The following USH2A variants were observed in gnomAD, a reference collection of about 807,000 sequenced individuals.
USH2A encodes Usher syndrome 2A (autosomal recessive, mild).
Under a neutral mutation model 538.9 loss-of-function variants are expected in USH2A, and 443 were observed. The ratio of observed to expected loss-of-function variants is 0.82; its 90% CI spans 0.76 to 0.89. The LOEUF is 0.89. Among genes scored for constraint, USH2A ranks in the 40% least tolerant of loss-of-function variants. USH2A has a pLI of 0.00. For synonymous variants in USH2A, 2,413 were observed against 2,273.5 expected (o/e 1.06, Z -1.75); for missense variants, 6,633 against 6,324.8 (o/e 1.05, Z -1.65).
intron 60 of USH2A, among the ~76,000 whole-genome samples, chr1:215,741,135 A>C (rs1571638885): frequency 6.6e-6 from 1 of 152,126 alleles, no homozygotes. Flanking sequence ...TCAATCAAAA[A>C]TGTTATATGG....
intron 21 of USH2A, among the ~76,000 whole-genome samples, chr1:216,141,748 A>C (rs1465716764): frequency 6.6e-6 from 1 of 152,162 alleles, no homozygotes; most frequent in African/African-American, 2.4e-5. Flanking sequence ...ATCATTACAT[A>C]AAGGAGTATA....
At chr1:215,658,918 A>G (rs1657352967) in intron 64 of USH2A, among the ~76,000 whole-genome samples, 1 of 152,220 alleles carries the variant, frequency 6.6e-6, no homozygotes, top group African/African-American at 2.4e-5. Context: ...GATCACAATC[A>G]CCAATTGTGA....
At chr1:215,931,351 G>C (rs1196060112) in intron 38 of USH2A, among the ~76,000 whole-genome samples, 1 of 151,896 alleles carries the variant, frequency 6.6e-6, no homozygotes, top group Non-Finnish European at 1.5e-5. Flanking sequence ...AAATTCTTTG[G>C]AGTATGACCC....
chr1:215,782,532 A>AT (rs1447728393), intron 53 of USH2A, among the ~76,000 whole-genome samples: 10 of 152,178 alleles, frequency 6.6e-5, no homozygotes, highest in Admixed American at 1.3e-4. Flanking sequence ...TTTCATTTCT[A>AT]TTTTTTTACT....
intron 40 of USH2A, among the ~76,000 whole-genome samples, chr1:215,893,422 T>C: frequency 6.6e-6 from 1 of 151,986 alleles, no homozygotes; most frequent in East Asian, 1.9e-4. Flanking sequence ...TCTCACATAG[T>C]CCACTGAGAG....
chr1:216,026,836 A>G (rs1668978970), intron 32 of USH2A, among the ~76,000 whole-genome samples: 1 of 152,194 alleles, frequency 6.6e-6, no homozygotes, highest in Non-Finnish European at 1.5e-5. Flanking sequence ...ATATGTCTAC[A>G]AGCACCAGGT....
At chr1:216,167,153 T>G (rs1487399472) in intron 21 of USH2A, among the ~76,000 whole-genome samples, 1 of 152,064 alleles carries the variant, frequency 6.6e-6, no homozygotes, top group Non-Finnish European at 1.5e-5. Context: ...TATTATTACT[T>G]AACATTTCCC....
chr1:215,851,870 A>C (rs950522715), intron 44 of USH2A, among the ~76,000 whole-genome samples: 1 of 152,106 alleles, frequency 6.6e-6, no homozygotes, highest in African/African-American at 2.4e-5. Flanking sequence ...CCAGGGATGC[A>C]GGGATGGTTT....
intron 21 of USH2A, among the ~76,000 whole-genome samples, chr1:216,115,901 G>A (rs1255404221): frequency 6.6e-6 from 1 of 151,610 alleles, no homozygotes; most frequent in Non-Finnish European, 1.5e-5. Context: ...AGAAAATTCA[G>A]CATGCATTTT....
intron 50 of USH2A, among the ~76,000 whole-genome samples, chr1:215,794,417 G>T (rs1188597957): frequency 6.6e-6 from 1 of 152,164 alleles, no homozygotes; most frequent in Admixed American, 6.5e-5. Flanking sequence ...GCTTAGGAAC[G>T]ATATTATGAG....
chr1:216,176,392 C>T (rs2034382751), intron 20 of USH2A, among the ~76,000 whole-genome samples: 1 of 151,958 alleles, frequency 6.6e-6, no homozygotes. Context: ...GGTGCCACTA[C>T]GCCCAGTAGA....
chr1:215,654,626 T>C (rs919031882), intron 64 of USH2A, among the ~76,000 whole-genome samples: 6 of 152,184 alleles, frequency 3.9e-5, no homozygotes, highest in South Asian at 2.1e-4. Flanking sequence ...GTTGTAACCA[T>C]GAAGAAAGTT....
intron 61 of USH2A, among the ~76,000 whole-genome samples, chr1:215,721,924 G>T (rs1332353244): frequency 6.6e-6 from 1 of 152,008 alleles, no homozygotes; most frequent in Non-Finnish European, 1.5e-5. Context: ...AATTAGCTGG[G>T]CATGGTGGCA....
intron 37 of USH2A, among the ~76,000 whole-genome samples, chr1:215,951,304 G>A (rs182159473): frequency 3.3e-5 from 5 of 152,200 alleles, no homozygotes; most frequent in East Asian, 1.9e-4. Flanking sequence ...CCTTCATTTC[G>A]TTATGTACCC....
intron 3 of USH2A, among the ~76,000 whole-genome samples, chr1:216,369,241 T>C (rs1315196138): frequency 6.6e-6 from 1 of 152,166 alleles, no homozygotes; most frequent in Non-Finnish European, 1.5e-5. Flanking sequence ...TAAGGCAATG[T>C]ATCCTGAAAA....
chr1:215,756,289 T>A (rs1442243743), intron 58 of USH2A, among the ~76,000 whole-genome samples: 1 of 152,180 alleles, frequency 6.6e-6, no homozygotes, highest in Admixed American at 6.5e-5. Flanking sequence ...TCATTTCTCT[T>A]ACTTGCATAG....
intron 61 of USH2A, among the ~76,000 whole-genome samples, chr1:215,686,043 G>A (rs1658414485): frequency 6.6e-6 from 1 of 152,138 alleles, no homozygotes; most frequent in Non-Finnish European, 1.5e-5. Flanking sequence ...CACCAAGTGG[G>A]ATGACACAGC....
rs181958916 is a variant in USH2A at position 215,752,426 on chromosome 1, G to A, written c.11389+6169C>T. 9.0e-4 allele frequency among the ~76,000 whole-genome samples: 137 copies of A among 152,252 alleles called. 1 individual carries two copies. The highest frequency in any genetic ancestry group is 4.1e-3 in the Admixed American group (63 of 15,288). On this transcript the variant is annotated intron_variant, in intron 58 of 71. Coordinates refer to ENST00000307340, the MANE Select transcript of USH2A (RefSeq NM_206933.4). Reference sequence around the variant, plus strand: ...GAAAGAATAAGGTAAAGTGGATGAAGGTTTACATGGGAGACAGGGGAATAT... The same window carrying A: ...GAAAGAATAAGGTAAAGTGGATGAAAGTTTACATGGGAGACAGGGGAATAT...
At chr1:216,299,961 A>G (rs1222492123) in intron 9 of USH2A, among the ~76,000 whole-genome samples, 2 of 152,170 alleles carry the variant, frequency 1.3e-5, no homozygotes, top group East Asian at 3.9e-4. Context: ...CCTAAAGATG[A>G]TACTGTTCTA....
Sources: allele counts gnomAD v4.1 joint callset (sites outside exome capture counted in the v4.1 genomes callset), GRCh38; gene constraint gnomAD v4.1.1; transcripts MANE v1.5; gene names NCBI Gene and HGNC (gene_info 2026-07-23, HGNC 2026-07-21).